BAALC: variants seen among roughly 807,000 people sequenced by gnomAD.
BAALC encodes the protein BAALC binder of MAP3K1 and KLF4, also known as brain and acute leukemia cytoplasmic protein.
BAALC carries 9 observed loss-of-function variants against 15.5 expected under a neutral mutation model. That is an observed-to-expected ratio of 0.58 (90% confidence interval 0.35 to 1.02). The LOEUF (loss-of-function observed/expected upper bound fraction) is 1.02. Among genes scored for constraint, BAALC ranks in the 50% least tolerant of loss-of-function variants. BAALC has a pLI of 0.02. For missense variants in BAALC, 201 were observed against 192.4 expected (o/e 1.04, Z -0.27); for synonymous variants, 80 against 74.6 (o/e 1.07, Z -0.37).
At chr8:103,149,654 T>A (rs1810943721) in intron 1 of BAALC, among the ~76,000 whole-genome samples, 1 of 151,978 alleles carries the variant, frequency 6.6e-6, no homozygotes, top group South Asian at 2.1e-4. Flanking sequence ...CCAAGAAAAA[T>A]TATATTTGTT....
intron 1 of BAALC, among the ~76,000 whole-genome samples, chr8:103,188,122 T>C (rs1391573135): frequency 6.6e-6 from 1 of 152,184 alleles, no homozygotes; most frequent in African/African-American, 2.4e-5. Flanking sequence ...AGTCACCTGA[T>C]GTCATGGACC....
rs1812485193 is a variant in BAALC at position 103,213,004 on chromosome 8, CT to C, written c.247del (p.Cys83ValfsTer16). On this transcript the variant is annotated frameshift_variant, in exon 2 of 3. Coordinates refer to ENST00000309982, the MANE Select transcript of BAALC (RefSeq NM_024812.3). LOFTEE classifies it high-confidence loss of function. ...TACCCAACCCAGAGAAGAAGACGAA[CT>C]GTGAGACCCAGTGCCCAAATCCCCA... ...GIPNPEKKTN[C>X]ETQCPNPQSL... The C allele has an allele frequency of 6.2e-7, 1 of 1,614,052 alleles. No homozygotes were observed. Among genetic ancestry groups the C allele is most frequent in the Admixed American group, 1.7e-5 (1 of 60,010 alleles).
intron 1 of BAALC, among the ~76,000 whole-genome samples, chr8:103,177,444 C>G (rs544319951): frequency 6.6e-6 from 1 of 152,154 alleles, no homozygotes; most frequent in African/African-American, 2.4e-5. Flanking sequence ...CTTGGCCTCC[C>G]AAAGCACTGG....
intron 2 of BAALC, among the ~76,000 whole-genome samples, chr8:103,219,097 C>A (rs1045723304): frequency 7.2e-5 from 11 of 152,158 alleles, no homozygotes; most frequent in Non-Finnish European, 1.0e-4. Context: ...CTTTCTAGTG[C>A]AAGCCTGGGG....
intron 1 of BAALC, among the ~76,000 whole-genome samples, chr8:103,155,719 C>A (rs1811076489): frequency 6.6e-6 from 1 of 152,212 alleles, no homozygotes; most frequent in African/African-American, 2.4e-5. Flanking sequence ...ATATCAGATT[C>A]ACCTGGGGAA....
At chr8:103,186,604 A>G (rs1028369219) in intron 1 of BAALC, among the ~76,000 whole-genome samples, 1 of 152,148 alleles carries the variant, frequency 6.6e-6, no homozygotes, top group African/African-American at 2.4e-5. Flanking sequence ...ATTCAAGCTA[A>G]TCTTCCTGCT....
At chr8:103,215,178 T>C (rs1033153503) in intron 2 of BAALC, among the ~76,000 whole-genome samples, 4 of 152,164 alleles carry the variant, frequency 2.6e-5, no homozygotes, top group Non-Finnish European at 5.9e-5. Flanking sequence ...CACTTTAAAA[T>C]TATGTTTTGC....
At chr8:103,159,359 G>A (rs1312137780) in intron 1 of BAALC, among the ~76,000 whole-genome samples, 1 of 152,180 alleles carries the variant, frequency 6.6e-6, no homozygotes, top group Non-Finnish European at 1.5e-5. Context: ...ATTACAAAAT[G>A]GTGATAGTCT....
At chr8:103,154,027 A>G (rs915501806) in intron 1 of BAALC, among the ~76,000 whole-genome samples, 1 of 152,122 alleles carries the variant, frequency 6.6e-6, no homozygotes, top group Non-Finnish European at 1.5e-5. Flanking sequence ...GCCTCATTAA[A>G]CGATTACCTC....
At chr8:103,204,068 A>T (rs565544887) in intron 1 of BAALC, among the ~76,000 whole-genome samples, 1 of 152,296 alleles carries the variant, frequency 6.6e-6, no homozygotes, top group South Asian at 2.1e-4. Context: ...AATTCTCTAC[A>T]TTTCTGAGAA....
At chr8:103,151,737 C>G (rs1046025555) in intron 1 of BAALC, among the ~76,000 whole-genome samples, 2 of 141,890 alleles carry the variant, frequency 1.4e-5, no homozygotes, top group Non-Finnish European at 3.0e-5. Context: ...CTGATGCTAT[C>G]CTATACTTTC....
At chr8:103,197,102 A>C (rs1380917043) in intron 1 of BAALC, among the ~76,000 whole-genome samples, 1 of 152,226 alleles carries the variant, frequency 6.6e-6, no homozygotes, top group Non-Finnish European at 1.5e-5. Context: ...AGCAACAAAC[A>C]AAAGGCTTTC....
intron 1 of BAALC, chr8:103,157,125 T>TACACACACACACACAC (rs67526513): frequency 2.0e-5 from 3 of 149,804 alleles, no homozygotes; most frequent in African/African-American, 7.4e-5. Context: ...TGTGTGTAGG[T>TACACACACACACACAC]ACACACACAC....
chr8:103,222,856 C>T (rs1196084953), intron 2 of BAALC, among the ~76,000 whole-genome samples: 1 of 152,132 alleles, frequency 6.6e-6, no homozygotes, highest in Non-Finnish European at 1.5e-5. Flanking sequence ...CAGTAGTCAT[C>T]GTTTCAGTAT....
intron 1 of BAALC, among the ~76,000 whole-genome samples, chr8:103,182,291 T>C (rs115830155): frequency 1.3e-3 from 201 of 152,288 alleles, no homozygotes; most frequent in African/African-American, 4.6e-3. Context: ...CTTTTGAACA[T>C]TTACTCCCCT....
intron 1 of BAALC, among the ~76,000 whole-genome samples, chr8:103,146,105 G>T (rs1810873522): frequency 1.3e-5 from 2 of 152,160 alleles, no homozygotes; most frequent in Admixed American, 1.3e-4. Context: ...ACATAAAAGT[G>T]GACACCGTTC....
chr8:103,170,707 C>A (rs1457604800), intron 1 of BAALC, among the ~76,000 whole-genome samples: 7 of 152,180 alleles, frequency 4.6e-5, no homozygotes, highest in Non-Finnish European at 2.9e-5. Flanking sequence ...CAGTAAATTT[C>A]TGTTGTTTTC....
chr8:103,144,056 C>T (rs1173306968), intron 1 of BAALC, among the ~76,000 whole-genome samples: 1 of 152,226 alleles, frequency 6.6e-6, no homozygotes, highest in Non-Finnish European at 1.5e-5. Context: ...ACCTCAACTC[C>T]ACAAACATGT....
intron 1 of BAALC, among the ~76,000 whole-genome samples, chr8:103,188,997 T>C (rs1237036111): frequency 1.3e-5 from 2 of 152,198 alleles, no homozygotes; most frequent in East Asian, 3.8e-4. Context: ...CAATACTATT[T>C]TTAAATATAA....
Sources: allele counts gnomAD v4.1 joint callset (sites outside exome capture counted in the v4.1 genomes callset), GRCh38; gene constraint gnomAD v4.1.1; transcripts MANE v1.5; gene names NCBI Gene and HGNC (gene_info 2026-07-23, HGNC 2026-07-21).